The following DRC1 variants were observed in gnomAD, a reference collection of about 807,000 sequenced individuals.
DRC1 encodes dynein regulatory complex subunit 1, also known as dynein regulatory complex protein 1.
A neutral mutation model predicts 98.7 loss-of-function variants in DRC1; 74 were observed. That is an observed-to-expected ratio of 0.75 (90% CI 0.62 to 0.91). The LOEUF is 0.91. DRC1 is among the 40% of genes least tolerant of loss of function. DRC1 has a pLI of 0.00. For missense variants in DRC1, 875 were observed against 886.0 expected (o/e 0.99, Z 0.16); for synonymous variants, 336 against 334.1 (o/e 1.01, Z -0.06).
Position 26,444,778 on chromosome 2 carries a change from C to T in DRC1, c.1226C>T (p.Ala409Val), listed in dbSNP as rs754270018. ...ATTTGGCTGATGAATGAAGAGGAGG[C>T]GAAGGACCTAATAGCCAGAGCCTTT... ...WEIWLMNEEE[A>V]KDLIARAFDV... Residue 409 changes from alanine to valine, a missense_variant, in exon 10 of 17, where the codon GCG (alanine) becomes GTG (valine). Ala to Val is a moderately conservative substitution (Grantham distance 64). Transcript: ENST00000288710. The T allele has an allele frequency of 1.7e-5, 28 of 1,614,032 alleles. No individual in the cohort carries two copies. In the Admixed American group the frequency reaches 2.8e-4, roughly 16 times the overall value.
intron 10 of DRC1, among the ~76,000 whole-genome samples, chr2:26,448,061 C>G (rs1004538011): frequency 1.3e-5 from 2 of 150,926 alleles, no homozygotes; most frequent in Admixed American, 1.3e-4. Flanking sequence ...CCCATCTCTA[C>G]GAAAAACACA....
intron 7 of DRC1, among the ~76,000 whole-genome samples, chr2:26,433,918 G>A (rs1364683553): frequency 2.0e-5 from 3 of 151,956 alleles, no homozygotes; most frequent in Non-Finnish European, 4.4e-5. Flanking sequence ...TTTCCACACT[G>A]TAACAGAGGG....
chr2:26,401,965 C>G lies in DRC1; in HGVS notation c.-25C>G, dbSNP rs781775889. On this transcript the variant is annotated 5_prime_UTR_variant, in exon 1 of 17. Coordinates refer to ENST00000288710, the MANE Select transcript of DRC1 (RefSeq NM_145038.5). ...GGTCTGGAGGTGGTGCGGAGGGAGC[C>G]GCCTAGGGACCAGGGACTCCTGCCA... is the stretch of plus-strand genomic sequence containing the variant. 14 of 1,576,424 alleles carry G rather than the reference C, an allele frequency of 8.9e-6. No individual in the cohort carries two copies. The East Asian group carries it at 3.0e-4, about 34-fold the overall frequency.
At chr2:26,431,086 G>C (rs909322023) in intron 6 of DRC1, among the ~76,000 whole-genome samples, 3 of 147,286 alleles carry the variant, frequency 2.0e-5, no homozygotes, top group African/African-American at 7.5e-5. Context: ...TCAGCCTCCC[G>C]AATAGCTGGG....
At chr2:26,416,770 A>ATCTG (rs1678819472) in intron 2 of DRC1, among the ~76,000 whole-genome samples, 1 of 152,100 alleles carries the variant, frequency 6.6e-6, no homozygotes, top group Admixed American at 6.6e-5. Context: ...CTTTTTTGGT[A>ATCTG]TCTATATGTC....
chr2:26,415,993 G>T (rs965140312), intron 2 of DRC1, among the ~76,000 whole-genome samples: 1 of 150,908 alleles, frequency 6.6e-6, no homozygotes, highest in Non-Finnish European at 1.5e-5. Flanking sequence ...TAGGACAAAA[G>T]GATATTAGAT....
At chr2:26,431,441 C>T (rs1663435626) in intron 6 of DRC1, among the ~76,000 whole-genome samples, 1 of 152,012 alleles carries the variant, frequency 6.6e-6, no homozygotes, top group Non-Finnish European at 1.5e-5. Context: ...GGTATCTCAC[C>T]CAGCTGTGAA....
chr2:26,424,819 G>A (rs970234512), intron 4 of DRC1, among the ~76,000 whole-genome samples: 8 of 152,104 alleles, frequency 5.3e-5, no homozygotes. Context: ...GGGCATGGTG[G>A]CACATACCTG....
rs963496045 is a variant in DRC1 at position 26,450,470 on chromosome 2, C to G, written c.1600-122C>G. ...CCCCAAGTTCACAGTCGCTTCCCAGCGTTGGATGAATGCCCTCCACAAGCC... is the reference window on the plus strand; with the variant it reads ...CCCCAAGTTCACAGTCGCTTCCCAGGGTTGGATGAATGCCCTCCACAAGCC... On this transcript the variant is annotated intron_variant, in intron 12 of 16. Transcript: ENST00000288710. The G allele has an allele frequency of 1.3e-5, 10 of 796,640 alleles. No homozygotes were observed. In the Admixed American group the frequency reaches 1.7e-4, roughly 13 times the overall value. 49.3% of individuals were successfully genotyped at this position (796,640 alleles called of 1,614,324 possible).
intron 1 of DRC1, among the ~76,000 whole-genome samples, chr2:26,406,123 A>G (rs1045925348): frequency 2.6e-5 from 4 of 152,236 alleles, no homozygotes; most frequent in Non-Finnish European, 4.4e-5. Flanking sequence ...AAAGAGATTA[A>G]AATATGTTAT....
At chr2:26,455,891 A>G (rs1664149482) in intron 16 of DRC1, among the ~76,000 whole-genome samples, 1 of 152,182 alleles carries the variant, frequency 6.6e-6, no homozygotes, top group Non-Finnish European at 1.5e-5. Flanking sequence ...GGGCACCTGC[A>G]GCTGGGGCTG....
intron 7 of DRC1, 94 bp downstream of exon 7, chr2:26,432,100 C>G: frequency 6.8e-7 from 1 of 1,478,442 alleles, no homozygotes; most frequent in Non-Finnish European, 9.1e-7. Flanking sequence ...CTGTGATATT[C>G]TAGAGGTAGT....
At chr2:26,407,073 G>C (rs1477245478) in intron 1 of DRC1, among the ~76,000 whole-genome samples, 1 of 151,984 alleles carries the variant, frequency 6.6e-6, no homozygotes. Flanking sequence ...TGCCACCTTA[G>C]CCTCGAAAAG....
chr2:26,416,903 T>G (rs2147981678), intron 2 of DRC1, among the ~76,000 whole-genome samples: 1 of 152,218 alleles, frequency 6.6e-6, no homozygotes, highest in East Asian at 1.9e-4. Flanking sequence ...CTTCTGCTTC[T>G]GAGGAGGCCT....
chr2:26,445,846 G>T (rs1363798717), intron 10 of DRC1, among the ~76,000 whole-genome samples: 1 of 151,918 alleles, frequency 6.6e-6, no homozygotes, highest in Non-Finnish European at 1.5e-5. Flanking sequence ...TTTTAGTAGA[G>T]ACAGGGTTTC....
At chr2:26,416,730 G>A (rs1322658249) in intron 2 of DRC1, among the ~76,000 whole-genome samples, 2 of 152,170 alleles carry the variant, frequency 1.3e-5, no homozygotes, top group African/African-American at 4.8e-5. Context: ...GACCATGTAT[G>A]TGTGAGTTCG....
intron 7 of DRC1, among the ~76,000 whole-genome samples, chr2:26,437,878 C>T (rs6750784): frequency 0.077 from 11,694 of 151,656 alleles, 898 homozygotes; most frequent in African/African-American, 0.2. Context: ...CACCTGAGGT[C>T]GGGAGTTTGA....
intron 8 of DRC1, among the ~76,000 whole-genome samples, chr2:26,443,609 G>A (rs1434237743): frequency 6.6e-6 from 1 of 152,188 alleles, no homozygotes; most frequent in African/African-American, 2.4e-5. Flanking sequence ...ATAGTACCTT[G>A]TATTGAAACG....
intron 1 of DRC1, among the ~76,000 whole-genome samples, chr2:26,413,002 T>G (rs2147979182): frequency 6.6e-6 from 1 of 152,332 alleles, no homozygotes; most frequent in Admixed American, 6.5e-5. Context: ...CAGGGTAGTC[T>G]CGATCTCCTG....
Sources: allele counts gnomAD v4.1 joint callset (sites outside exome capture counted in the v4.1 genomes callset), GRCh38; gene constraint gnomAD v4.1.1; transcripts MANE v1.5; gene names NCBI Gene and HGNC (gene_info 2026-07-23, HGNC 2026-07-21).